FAM107B: variants seen among roughly 807,000 people sequenced by gnomAD.
The protein encoded by FAM107B is family with sequence similarity 107 member B.
In FAM107B, 21 loss-of-function variants were observed where a neutral mutation model predicts 31.5. The observed-to-expected ratio is 0.67, with a 90% confidence interval of 0.47 to 0.96. FAM107B has a LOEUF of 0.96. Ranked by LOEUF, FAM107B falls within the 40% of genes least tolerant of loss-of-function variation. The pLI is 0.00. For synonymous variants in FAM107B, 157 were observed against 141.5 expected, an observed-to-expected ratio of 1.11 and a Z score of -0.78; for missense variants, 452 against 377.1, an observed-to-expected ratio of 1.20 and a Z score of -1.64.
intron 2 of FAM107B, among the ~76,000 whole-genome samples, chr10:14,537,596 T>G (rs1366874968): frequency 6.6e-6 from 1 of 152,088 alleles, no homozygotes; most frequent in African/African-American, 2.4e-5. Context: ...TCCCAGCACT[T>G]TGGGAGGCCG....
At chr10:14,725,821 CTTTTT>C (rs759788163) in intron 1 of FAM107B, among the ~76,000 whole-genome samples, 4 of 94,296 alleles carry the variant, frequency 4.2e-5, no homozygotes, top group African/African-American at 1.3e-4. Context: ...CAGTCAAATC[CTTTTT>C]TTTTTTTTTT....
At chr10:14,644,887 T>G (rs10796213) in intron 2 of FAM107B, among the ~76,000 whole-genome samples, 51,863 of 151,952 alleles carry the variant, frequency 0.34, 9,165 homozygotes, top group East Asian at 0.58. Context: ...GGTAATAAAT[T>G]GCCTCCTAAT....
At chr10:14,677,384 G>C (rs1854708882) in intron 1 of FAM107B, among the ~76,000 whole-genome samples, 1 of 152,164 alleles carries the variant, frequency 6.6e-6, no homozygotes, top group Non-Finnish European at 1.5e-5. Context: ...CACTTCGGGA[G>C]GCCGAGGTGG....
At chr10:14,769,887 C>T (rs1033286729) in intron 1 of FAM107B, among the ~76,000 whole-genome samples, 5 of 152,184 alleles carry the variant, frequency 3.3e-5, no homozygotes, top group Non-Finnish European at 7.3e-5. Flanking sequence ...TCTCACACTG[C>T]GTACATCACT....
chr10:14,656,774 G>A (rs969573326), intron 2 of FAM107B, among the ~76,000 whole-genome samples: 13 of 151,536 alleles, frequency 8.6e-5, no homozygotes, highest in African/African-American at 3.1e-4. Context: ...GTGTAGAAAC[G>A]CAGCTTGCAG....
At chr10:14,691,891 C>CGCAAAA (rs765508071) in intron 1 of FAM107B, among the ~76,000 whole-genome samples, 3 of 103,366 alleles carry the variant, frequency 2.9e-5, no homozygotes, top group Non-Finnish European at 5.2e-5. Context: ...GAGACTCTGT[C>CGCAAAA]ACAAAAAAAA....
intron 2 of FAM107B, among the ~76,000 whole-genome samples, chr10:14,622,097 AT>A (rs1445504794): frequency 1.3e-5 from 2 of 151,992 alleles, no homozygotes; most frequent in Non-Finnish European, 1.5e-5. Context: ...CCATCAACAC[AT>A]TTAATAAAGT....
intron 2 of FAM107B, among the ~76,000 whole-genome samples, chr10:14,539,687 T>A (rs1351663985): frequency 6.6e-6 from 1 of 152,148 alleles, no homozygotes; most frequent in Non-Finnish European, 1.5e-5. Context: ...AATTCCTGGC[T>A]CAGGGAAGGA....
At chr10:14,564,375 T>C (rs1490264671) in intron 2 of FAM107B, among the ~76,000 whole-genome samples, 1 of 152,108 alleles carries the variant, frequency 6.6e-6, no homozygotes, top group Non-Finnish European at 1.5e-5. Flanking sequence ...GGCCCCCAAA[T>C]ACTTGATCCA....
chr10:14,656,969 C>T (rs866255867), intron 2 of FAM107B, among the ~76,000 whole-genome samples: 2 of 152,192 alleles, frequency 1.3e-5, no homozygotes, highest in South Asian at 2.1e-4. Context: ...AACTAGACTA[C>T]TGAGGTGTCC....
chr10:14,701,385 C>T (rs1855395280), intron 1 of FAM107B, among the ~76,000 whole-genome samples: 1 of 152,056 alleles, frequency 6.6e-6, no homozygotes, highest in Non-Finnish European at 1.5e-5. Context: ...GCTGGGATCC[C>T]AGGCATGCCC....
intron 2 of FAM107B, among the ~76,000 whole-genome samples, chr10:14,617,564 T>C (rs1373220390): frequency 6.6e-6 from 1 of 152,128 alleles, no homozygotes; most frequent in Non-Finnish European, 1.5e-5. Context: ...TGCTTAGAAG[T>C]GATGAAACAC....
At chr10:14,652,985 TGA>T (rs1402122735) in intron 2 of FAM107B, among the ~76,000 whole-genome samples, 1 of 152,196 alleles carries the variant, frequency 6.6e-6, no homozygotes, top group Non-Finnish European at 1.5e-5. Flanking sequence ...GAAAAAAATG[TGA>T]TGCATGGACT....
intron 1 of FAM107B, among the ~76,000 whole-genome samples, chr10:14,748,850 T>A (rs1832775001): frequency 6.6e-6 from 1 of 152,170 alleles, no homozygotes; most frequent in Non-Finnish European, 1.5e-5. Flanking sequence ...CACCAAGATG[T>A]AGCACAACGA....
rs1851992984 is a variant in FAM107B, at chr10:14,590,859, C to T, written c.470-60344G>A. Among the ~76,000 whole-genome samples the T allele has an allele frequency of 2.6e-5, 4 of 151,282 alleles. No homozygotes were observed. The South Asian group carries it at 6.3e-4, about 24-fold the overall frequency. The stretch of plus-strand genomic sequence containing the variant: ...ACAAAATTAGATGGGTGTGGTAGCA[C>T]GTGCCTGTAATCCCAGCTACTTGAG... On this transcript the variant is annotated intron_variant, in intron 2 of 4. Transcript: ENST00000181796.
At chr10:14,694,664 G>A (rs917097238) in intron 1 of FAM107B, among the ~76,000 whole-genome samples, 6 of 152,152 alleles carry the variant, frequency 3.9e-5, no homozygotes, top group Admixed American at 2.0e-4. Context: ...GATTACAGGC[G>A]CGGGACACCG....
At chr10:14,558,178 AGTGT>A (rs199648600) in intron 2 of FAM107B, among the ~76,000 whole-genome samples, 5 of 139,754 alleles carry the variant, frequency 3.6e-5, no homozygotes, top group African/African-American at 1.0e-4. Context: ...CCTCCCCACC[AGTGT>A]GTGTGTGCAC....
intron 3 of FAM107B, 68 bp from the exon 4 acceptor site, chr10:14,522,087 T>C: frequency 3.2e-6 from 5 of 1,554,978 alleles, no homozygotes; most frequent in Non-Finnish European, 4.3e-6. Context: ...GAACAGAAAT[T>C]TAACTTACAA....
chr10:14,637,533 A>G (rs1235457493), intron 2 of FAM107B, among the ~76,000 whole-genome samples: 1 of 152,086 alleles, frequency 6.6e-6, no homozygotes, highest in African/African-American at 2.4e-5. Context: ...AGTCCCAGCT[A>G]CTTAGGAGGC....
Sources: allele counts gnomAD v4.1 joint callset (sites outside exome capture counted in the v4.1 genomes callset), GRCh38; gene constraint gnomAD v4.1.1; transcripts MANE v1.5; gene names NCBI Gene and HGNC (gene_info 2026-07-23, HGNC 2026-07-21).